Variants in NRG3 observed in about 807,000 individuals in gnomAD.
The protein encoded by NRG3 is pro-neuregulin-3, membrane-bound isoform.
Under a neutral mutation model 66.9 loss-of-function variants are expected in NRG3, and 31 were observed. The ratio of observed to expected loss-of-function variants is 0.46; its 90% CI spans 0.35 to 0.63. The LOEUF (loss-of-function observed/expected upper bound fraction) is 0.63, where lower values mean the gene tolerates loss of function less well. NRG3 is among the 20% of genes least tolerant of loss of function. The pLI is 0.00. For synonymous variants in NRG3, 393 were observed against 359.4 expected, an observed-to-expected ratio of 1.09 and a Z score of -1.06; for missense variants, 910 against 878.9, an observed-to-expected ratio of 1.04 and a Z score of -0.45.
chr10:82,104,708 G>A (rs2066954947), intron 1 of NRG3, among the ~76,000 whole-genome samples: 1 of 151,970 alleles, frequency 6.6e-6, no homozygotes, highest in African/African-American at 2.4e-5. Flanking sequence ...AAGATAGTAT[G>A]TGTTATACGA....
intron 1 of NRG3, among the ~76,000 whole-genome samples, chr10:81,945,229 G>A (rs772538005): frequency 5.3e-5 from 8 of 151,874 alleles, no homozygotes; most frequent in East Asian, 3.9e-4. Context: ...GGTCTGGATC[G>A]TATAATCTTT....
intron 2 of NRG3, among the ~76,000 whole-genome samples, chr10:82,545,749 G>A (rs2043857726): frequency 7.0e-6 from 1 of 142,818 alleles, no homozygotes; most frequent in East Asian, 2.1e-4. Context: ...CATAACAGAC[G>A]TATTTTTATT....
At chr10:82,621,027 A>C (rs1484646859) in intron 2 of NRG3, among the ~76,000 whole-genome samples, 1 of 152,140 alleles carries the variant, frequency 6.6e-6, no homozygotes, top group Non-Finnish European at 1.5e-5. Flanking sequence ...AGAGATTTTA[A>C]ATTTCATTTT....
chr10:82,328,213 T>C (rs987589413), intron 1 of NRG3, among the ~76,000 whole-genome samples: 1 of 152,150 alleles, frequency 6.6e-6, no homozygotes, highest in Admixed American at 6.6e-5. Context: ...GAAAGAACAT[T>C]TGCTAGAAGG....
intron 1 of NRG3, among the ~76,000 whole-genome samples, chr10:82,166,310 G>A (rs748317920): frequency 1.3e-5 from 2 of 152,122 alleles, no homozygotes; most frequent in Non-Finnish European, 2.9e-5. Flanking sequence ...TGAGCCACCA[G>A]GTCCGGCCTG....
At chr10:82,036,915 A>G (rs1041039467) in intron 1 of NRG3, among the ~76,000 whole-genome samples, 1 of 152,288 alleles carries the variant, frequency 6.6e-6, no homozygotes, top group African/African-American at 2.4e-5. Flanking sequence ...AGCAATTGCT[A>G]TAACATGTCA....
chr10:82,950,006 G>T (rs1849375273), intron 4 of NRG3, among the ~76,000 whole-genome samples: 1 of 152,108 alleles, frequency 6.6e-6, no homozygotes, highest in African/African-American at 2.4e-5. Flanking sequence ...CTGCTCAAAA[G>T]TTCTCAAAGT....
At chr10:82,023,369 G>T (rs563385765) in intron 1 of NRG3, among the ~76,000 whole-genome samples, 2 of 151,878 alleles carry the variant, frequency 1.3e-5, no homozygotes, top group Non-Finnish European at 2.9e-5. Context: ...GCCCAATTGT[G>T]CTGGCTGGAA....
chr10:82,115,738 T>C (rs1174174462), intron 1 of NRG3, among the ~76,000 whole-genome samples: 1 of 152,150 alleles, frequency 6.6e-6, no homozygotes, highest in Non-Finnish European at 1.5e-5. Context: ...GGTTTGGTCC[T>C]GTTATAGAAA....
chr10:82,646,315 A>G (rs750650199), intron 2 of NRG3, among the ~76,000 whole-genome samples: 1 of 152,140 alleles, frequency 6.6e-6, no homozygotes, highest in African/African-American at 2.4e-5. Context: ...AATATGTGAG[A>G]GCAGAGTGAT....
intron 2 of NRG3, among the ~76,000 whole-genome samples, chr10:82,394,633 T>G (rs1354096336): frequency 6.6e-6 from 1 of 152,174 alleles, no homozygotes; most frequent in Non-Finnish European, 1.5e-5. Flanking sequence ...TTTATTTAAT[T>G]TTCATATCAG....
chr10:82,951,731 T>G (rs181990556), intron 5 of NRG3, among the ~76,000 whole-genome samples, 160 bp downstream of exon 5: 7 of 152,304 alleles, frequency 4.6e-5, no homozygotes, highest in Non-Finnish European at 1.0e-4. Flanking sequence ...TTGTGGTGAG[T>G]GTGTACAGGC....
At chr10:82,051,891 C>T (rs1472696587) in intron 1 of NRG3, among the ~76,000 whole-genome samples, 1 of 152,086 alleles carries the variant, frequency 6.6e-6, no homozygotes, top group African/African-American at 2.4e-5. Flanking sequence ...CAGATTATGG[C>T]AATACACACC....
At chr10:82,457,415 A>T (rs901476353) in intron 2 of NRG3, among the ~76,000 whole-genome samples, 2 of 152,152 alleles carry the variant, frequency 1.3e-5, no homozygotes, top group African/African-American at 4.8e-5. Flanking sequence ...TGAGAATCTG[A>T]TGCTGTTGCT....
chr10:82,113,624 C>A (rs1389628905), intron 1 of NRG3, among the ~76,000 whole-genome samples: 3 of 152,094 alleles, frequency 2.0e-5, no homozygotes, highest in Non-Finnish European at 4.4e-5. Flanking sequence ...GACCCTGGAA[C>A]AGATAAAAGA....
In NRG3 at chr10:81,875,515, G is replaced by C; in HGVS notation, c.175G>C (p.Val59Leu). Residue 59 changes from valine (V) to leucine (L), a missense_variant, in exon 1 of 9, where the codon GTG becomes CTG. Val to Leu is a conservative substitution (Grantham distance 32). Transcript: ENST00000372141. This position sits in a 1 kb window ranked among gnomAD's most constrained non-coding sequence, Gnocchi z 5.3. ...PRELRCSDCI[V>L]WNRQQTWLCV... ...GGAGTTACGCTGTAGCGACTGCATC[G>C]TGTGGAACCGGCAGCAGACGTGGCT... 2.5e-6 allele frequency: 4 copies of C among 1,610,256 alleles called. No individual in the cohort carries two copies. The highest frequency in any genetic ancestry group is 3.4e-6 in the Non-Finnish European group (4 of 1,178,856).
intron 2 of NRG3, among the ~76,000 whole-genome samples, chr10:82,610,949 A>G (rs1429950645): frequency 1.3e-5 from 2 of 152,160 alleles, no homozygotes; most frequent in Non-Finnish European, 2.9e-5. Context: ...TTTGGTAACA[A>G]CTCAATATTT....
chr10:82,681,466 G>T (rs983641205), intron 2 of NRG3, among the ~76,000 whole-genome samples: 8 of 152,330 alleles, frequency 5.3e-5, no homozygotes, highest in African/African-American at 1.7e-4. Context: ...GAATAACTCA[G>T]TCCAGTTGGA....
rs115156257 is a variant in NRG3 at position 81,891,992 on chromosome 10, G to T, written c.823+15829G>T. On this transcript the variant is annotated intron_variant, in intron 1 of 8. Transcript: ENST00000372141. ...ACACATATAAACACACACAGATGAAGATTTTGTTTTTGTTTGGTTAGTGTA... is the reference window on the plus strand; with the variant it reads ...ACACATATAAACACACACAGATGAATATTTTGTTTTTGTTTGGTTAGTGTA... Among the ~76,000 whole-genome samples, 807 of 152,222 alleles carry T rather than the reference G, an allele frequency of 5.3e-3. 2 individuals are homozygous for T. The highest frequency in any genetic ancestry group is 0.01 in the African/African-American group (436 of 41,546).
Sources: allele counts gnomAD v4.1 joint callset (sites outside exome capture counted in the v4.1 genomes callset), GRCh38; gene constraint gnomAD v4.1.1; non-coding constraint Gnocchi (gnomAD v3.1); transcripts MANE v1.5; gene names NCBI Gene and HGNC (gene_info 2026-07-23, HGNC 2026-07-21).